The following CSTPP1 variants were observed in gnomAD, a reference collection of about 807,000 sequenced individuals.
The protein encoded by CSTPP1 is UPF0705 protein C11orf49.
At chr11:46,958,152 T>C in the CSTPP1 span, among the ~76,000 whole-genome samples, 2 of 152,062 alleles carry the variant, frequency 1.3e-5, no homozygotes, top group Non-Finnish European at 2.9e-5. Flanking sequence ...TGTGATTTTC[T>C]TTTTTTTAAA....
At chr11:47,096,073 A>G in the CSTPP1 span, among the ~76,000 whole-genome samples, 1 of 152,340 alleles carries the variant, frequency 6.6e-6, no homozygotes. Flanking sequence ...TCTAATAAGC[A>G]CACCAAGGGA....
the CSTPP1 span, chr11:47,155,132 C>T: frequency 2.7e-6 from 4 of 1,462,714 alleles, no homozygotes; most frequent in South Asian, 3.4e-5. Flanking sequence ...CCTCCTTAAA[C>T]CTCTCCCCCA....
the CSTPP1 span, among the ~76,000 whole-genome samples, chr11:46,980,084 A>G: frequency 6.6e-6 from 1 of 152,128 alleles, no homozygotes; most frequent in East Asian, 1.9e-4. Context: ...AAACAAAAAA[A>G]CAAAAAAACC....
At chr11:46,990,673 T>A in the CSTPP1 span, among the ~76,000 whole-genome samples, 1 of 152,192 alleles carries the variant, frequency 6.6e-6, no homozygotes, top group South Asian at 2.1e-4. Context: ...TTGCAATTGC[T>A]TTTGGGGACT....
At chr11:47,111,276 CAA>C in the CSTPP1 span, among the ~76,000 whole-genome samples, 2 of 152,006 alleles carry the variant, frequency 1.3e-5, no homozygotes, top group African/African-American at 4.8e-5. Flanking sequence ...TGCCTAGTGT[CAA>C]GAGAGAGATG....
chr11:46,962,888 A>T, the CSTPP1 span, among the ~76,000 whole-genome samples: 1 of 152,202 alleles, frequency 6.6e-6, no homozygotes, highest in East Asian at 1.9e-4. Flanking sequence ...TAGGAAGCTG[A>T]GGCTGCAGGG....
chr11:47,016,390 C>CA, the CSTPP1 span, among the ~76,000 whole-genome samples: 1,597 of 125,610 alleles, frequency 0.013, 29 homozygotes, highest in East Asian at 0.034. Context: ...ATGGAATCTA[C>CA]AAAAAACAAA....
At chr11:47,082,120 C>T in the CSTPP1 span, among the ~76,000 whole-genome samples, 3 of 145,404 alleles carry the variant, frequency 2.1e-5, no homozygotes, top group South Asian at 2.2e-4. Flanking sequence ...ACTGCACTCC[C>T]GCCTGGGAGA....
At chr11:47,091,087 TG>T in the CSTPP1 span, among the ~76,000 whole-genome samples, 4 of 132,744 alleles carry the variant, frequency 3.0e-5, no homozygotes, top group African/African-American at 1.1e-4. Context: ...TGAGACATAG[TG>T]GTTAAAAATT....
chr11:47,062,118 A>G, the CSTPP1 span, among the ~76,000 whole-genome samples: 2 of 152,070 alleles, frequency 1.3e-5, no homozygotes, highest in Non-Finnish European at 2.9e-5. Flanking sequence ...CTTCCATTAT[A>G]ATTTTTCAGA....
chr11:47,121,294 G>A, the CSTPP1 span, among the ~76,000 whole-genome samples: 14 of 152,250 alleles, frequency 9.2e-5, no homozygotes, highest in African/African-American at 3.1e-4. Context: ...TTAAAACTGC[G>A]AGTATAATCA....
At chr11:46,978,278 A>G in the CSTPP1 span, among the ~76,000 whole-genome samples, 1 of 152,194 alleles carries the variant, frequency 6.6e-6, no homozygotes, top group Non-Finnish European at 1.5e-5. Context: ...TTTAAAATAG[A>G]TGTTTAGGGA....
chr11:47,118,488 C>A, the CSTPP1 span, among the ~76,000 whole-genome samples: 6 of 152,214 alleles, frequency 3.9e-5, no homozygotes, highest in Admixed American at 3.9e-4. Flanking sequence ...CAGCTTTGCT[C>A]TGTTGCTGGT....
At chr11:46,983,276 C>T in the CSTPP1 span, among the ~76,000 whole-genome samples, 12 of 152,296 alleles carry the variant, frequency 7.9e-5, no homozygotes, top group African/African-American at 2.9e-4. Flanking sequence ...TTCTGATCCA[C>T]AATTGCCTTC....
chr11:47,064,533 G>A, the CSTPP1 span, among the ~76,000 whole-genome samples: 2 of 152,048 alleles, frequency 1.3e-5, no homozygotes, highest in Admixed American at 1.3e-4. Context: ...TCTTTTGCAC[G>A]TGCATATTCA....
At chr11:47,068,086 A>G in the CSTPP1 span, among the ~76,000 whole-genome samples, 1,435 of 152,302 alleles carry the variant, frequency 9.4e-3, 16 homozygotes, top group Middle Eastern at 0.027. Flanking sequence ...ATAAAAGAAT[A>G]AATTTTGATA....
At chr11:47,161,906 CGCCGTA>C in the CSTPP1 span, 1 of 1,240,088 alleles carries the variant, frequency 8.1e-7, no homozygotes, top group African/African-American at 1.5e-5. Flanking sequence ...CACCTTGTCA[CGCCGTA>C]GCCTGTTAGT....
the CSTPP1 span, among the ~76,000 whole-genome samples, chr11:47,036,753 C>G: frequency 2.1e-4 from 27 of 127,970 alleles, 3 homozygotes; most frequent in African/African-American, 5.7e-4. Flanking sequence ...CCTTGGCTCA[C>G]TGCAACCTCT....
the CSTPP1 span, among the ~76,000 whole-genome samples, chr11:47,101,186 T>TA: frequency 2.0e-5 from 2 of 102,040 alleles, no homozygotes; most frequent in African/African-American, 8.0e-5. Context: ...TTTTTTTTTT[T>TA]TTTATTTTAT....
Sources: gnomAD v4.1 joint callset for allele counts (sites outside exome capture counted in the v4.1 genomes callset) on GRCh38, gnomAD v4.1.1 for gene constraint, MANE v1.5 for transcripts, NCBI Gene and HGNC (gene_info 2026-07-23, HGNC 2026-07-21) for gene names.